ZNF705B: variants seen among roughly 807,000 people sequenced by gnomAD.
The protein encoded by ZNF705B is zinc finger protein 705B.
Under a neutral mutation model 10.5 loss-of-function variants are expected in ZNF705B, and 1 was observed. That is an observed-to-expected ratio of 0.10 (90% CI 0.03 to 0.45). The LOEUF is 0.45. Among genes scored for constraint, ZNF705B ranks in the 20% least tolerant of loss-of-function variants. The pLI is 0.97. For synonymous variants in ZNF705B, 4 were observed against 25.4 expected (o/e 0.16, Z 2.53); for missense variants, 14 against 84.0 (o/e 0.17, Z 3.26).
At position 7,932,354 on chromosome 8, in the gene ZNF705B, C is replaced by T. The variant is rs1173824755; in HGVS notation, c.-72+1918C>T. ...GCTGCTGAATTCTAGTGCCCTCTTT[C>T]GTGCCCTCTTCAAGGTATGATTATC... On this transcript the variant is annotated intron_variant, in intron 2 of 6. Transcript: ENST00000400120. Among the ~76,000 whole-genome samples, 27 of 121,210 alleles carry T rather than the reference C, an allele frequency of 2.2e-4. 3 individuals are homozygous for T. Among genetic ancestry groups the T allele is most frequent in the Admixed American group, 9.4e-4 (10 of 10,634 alleles). The allele number at this position is 121,210 out of a possible 152,430, so 79.5% of individuals were successfully genotyped here. A position where few individuals can be genotyped will look rare whatever the true frequency, so the allele number is the denominator to read the frequency against.
chr8:7,931,592 TA>T (rs1259093681), intron 2 of ZNF705B, among the ~76,000 whole-genome samples: 1 of 121,956 alleles, frequency 8.2e-6, no homozygotes, highest in East Asian at 2.4e-4. Flanking sequence ...TGGGTAGTGG[TA>T]GTGACAGCAA....
intron 2 of ZNF705B, among the ~76,000 whole-genome samples, chr8:7,935,451 C>T (rs1473976611): frequency 1.5e-5 from 2 of 136,288 alleles, no homozygotes; most frequent in Admixed American, 7.6e-5. Context: ...TTGTATGTAA[C>T]ACAGAGCACC....
intron 1 of ZNF705B, among the ~76,000 whole-genome samples, chr8:7,928,658 C>A (rs1366644270): frequency 1.0e-5 from 1 of 96,126 alleles, no homozygotes; most frequent in East Asian, 3.1e-4. Context: ...TTAAGAAACT[C>A]TTTGGCCCCT....
chr8:7,936,694 G>T (rs1820024780), intron 2 of ZNF705B, among the ~76,000 whole-genome samples: 1 of 118,116 alleles, frequency 8.5e-6, no homozygotes, highest in East Asian at 2.4e-4. Flanking sequence ...CATAAAAATG[G>T]GAACAAGAGA....
In ZNF705B at chr8:7,931,470, C is replaced by A. The variant is rs1178128882; in HGVS notation, c.-72+1034C>A. Among the ~76,000 whole-genome samples, 3 of 122,018 alleles carry A rather than the reference C, an allele frequency of 2.5e-5. 1 individual carries two copies. The highest frequency in any genetic ancestry group is 7.5e-5 in the African/African-American group (3 of 39,934). The allele number at this position is 122,018 out of a possible 152,430, so 80.0% of individuals were successfully genotyped here. A position where few individuals can be genotyped will look rare whatever the true frequency, so the allele number is the denominator to read the frequency against. ...AATCCCCCAGCTCCCAGACAATGTG[C>A]ACAGGCACCACCAGGCTGGGTGGGC... On this transcript the variant is annotated intron_variant, in intron 2 of 6. Coordinates refer to ENST00000400120, the MANE Select transcript of ZNF705B (RefSeq NM_001193630.1).
chr8:7,940,772 G>A (rs147984521), intron 2 of ZNF705B, among the ~76,000 whole-genome samples: 4,047 of 135,718 alleles, frequency 0.03, 62 homozygotes, highest in Non-Finnish European at 0.047. Flanking sequence ...ACAGGGTTTC[G>A]TTATTATGGA....
intron 2 of ZNF705B, among the ~76,000 whole-genome samples, chr8:7,940,865 G>A (rs2739921): frequency 0.032 from 4,311 of 133,330 alleles, 27 homozygotes; most frequent in African/African-American, 0.11. Flanking sequence ...ACAGGCCCCA[G>A]TGTGTGTTGT....
chr8:7,932,821 G>A lies in ZNF705B; in HGVS notation c.-72+2385G>A, dbSNP rs541082037. ...GATTCTATACTCTTTCAATGACCAA[G>A]GGGAGGCCCCCCAGTACTTTACACA... On this transcript the variant is annotated intron_variant, in intron 2 of 6. Transcript: ENST00000400120. Among the ~76,000 whole-genome samples the A allele has an allele frequency of 8.3e-5, 9 of 108,172 alleles. 1 individual carries two copies. In the South Asian group the frequency reaches 1.1e-3, roughly 13 times the overall value. 71.0% of individuals were successfully genotyped at this position (108,172 alleles called of 152,430 possible). A position where few individuals can be genotyped will look rare whatever the true frequency, so the allele number is the denominator to read the frequency against.
chr8:7,937,896 AT>A (rs1360472319), intron 2 of ZNF705B, among the ~76,000 whole-genome samples: 8 of 103,334 alleles, frequency 7.7e-5, no homozygotes, highest in Non-Finnish European at 1.6e-4. Context: ...CAGGGCCTTA[AT>A]TTTTTTCTCT....
chr8:7,931,576 C>T (rs1205880147), intron 2 of ZNF705B, among the ~76,000 whole-genome samples: 9 of 122,128 alleles, frequency 7.4e-5, no homozygotes, highest in African/African-American at 1.0e-4. Context: ...TCCTGGACAA[C>T]GACCTTGGGT....
chr8:7,937,628 G>A (rs143006084), intron 2 of ZNF705B, among the ~76,000 whole-genome samples: 2,454 of 109,714 alleles, frequency 0.022, 194 homozygotes, highest in Middle Eastern at 0.078. Context: ...TTTAGCCAGG[G>A]TGACTATTTA....
At chr8:7,940,575 T>C (rs539565014) in intron 2 of ZNF705B, among the ~76,000 whole-genome samples, 5 of 130,020 alleles carry the variant, frequency 3.8e-5, no homozygotes, top group African/African-American at 1.3e-4. Flanking sequence ...AACTTTGTGC[T>C]CTAACCACAT....
At chr8:7,927,733 C>T (rs1451804483) in intron 1 of ZNF705B, among the ~76,000 whole-genome samples, 1 of 146,686 alleles carries the variant, frequency 6.8e-6, no homozygotes, top group East Asian at 2.1e-4. Context: ...GTTTTGAAAC[C>T]AGGGTTATCT....
chr8:7,950,666 C>T lies in ZNF705B; in HGVS notation c.237C>T (p.Asp79=), dbSNP rs770352234. The change falls in exon 6 of 7, where the codon GAC becomes GAT. Residue 79 remains aspartate (D), a splice_region_variant and synonymous_variant. Coordinates refer to ENST00000400120, the MANE Select transcript of ZNF705B (RefSeq NM_001193630.1). ...GRVFLQDQNP[D]RESALKKKHM... ...CAATTTATTTTTCAATTATTTCAGA[C>T]AGGGAAAGTGCCCTTAAGAAAAAAC... 5.8e-6 allele frequency: 5 copies of T among 854,838 alleles called. 2 individuals are homozygous for T. The highest frequency in any genetic ancestry group is 5.5e-5 in the South Asian group (3 of 54,428). 53.0% of individuals were successfully genotyped at this position (854,838 alleles called of 1,614,324 possible). A position where few individuals can be genotyped will look rare whatever the true frequency, so the allele number is the denominator to read the frequency against.
chr8:7,935,621 A>G (rs1819992346), intron 2 of ZNF705B, among the ~76,000 whole-genome samples: 1 of 121,826 alleles, frequency 8.2e-6, no homozygotes, highest in Non-Finnish European at 1.9e-5. Flanking sequence ...TGAAATCCAA[A>G]TGTATTAGAT....
chr8:7,936,764 G>A (rs1295619884), intron 2 of ZNF705B, among the ~76,000 whole-genome samples: 2 of 119,860 alleles, frequency 1.7e-5, no homozygotes, highest in African/African-American at 2.6e-5. Flanking sequence ...TACTCTTTGG[G>A]TACACCCTAC....
Position 7,931,903 on chromosome 8 carries a change from C to T in ZNF705B, c.-72+1467C>T, listed in dbSNP as rs551874770. The stretch of plus-strand genomic sequence containing the variant: ...CTGGTGAGTTCAGCTGGTATTGTGA[C>T]TCTGCAGGCCTCTGGATGGACATGA... On this transcript the variant is annotated intron_variant, in intron 2 of 6. Transcript: ENST00000400120. Among the ~76,000 whole-genome samples the T allele has an allele frequency of 1.2e-3, 150 of 125,518 alleles. 3 individuals carry two copies. The highest frequency in any genetic ancestry group is 3.7e-3 in the African/African-American group (147 of 40,138). The allele number at this position is 125,518 out of a possible 152,430, so 82.3% of individuals were successfully genotyped here.
intron 2 of ZNF705B, among the ~76,000 whole-genome samples, chr8:7,937,251 G>C (rs1445884507): frequency 5.9e-5 from 7 of 118,150 alleles, no homozygotes; most frequent in Non-Finnish European, 1.0e-4. Context: ...CCCTCTCTCT[G>C]TGTCCTCCTC....
At chr8:7,931,141 G>C (rs1272352379) in intron 2 of ZNF705B, among the ~76,000 whole-genome samples, 1 of 121,332 alleles carries the variant, frequency 8.2e-6, no homozygotes, top group African/African-American at 2.5e-5. Context: ...GTGTGAGTCA[G>C]GTGGCTTTCT....
Sources: gnomAD v4.1 joint callset for allele counts (sites outside exome capture counted in the v4.1 genomes callset) on GRCh38, gnomAD v4.1.1 for gene constraint, MANE v1.5 for transcripts, NCBI Gene and HGNC (gene_info 2026-07-23, HGNC 2026-07-21) for gene names.